Variants in PDE4D observed in about 807,000 individuals in gnomAD.
The protein encoded by PDE4D is 3',5'-cyclic-AMP phosphodiesterase 4D.
A neutral mutation model predicts 87.4 loss-of-function variants in PDE4D; 24 were observed. That is an observed-to-expected ratio of 0.27 (90% CI 0.20 to 0.39). The LOEUF (loss-of-function observed/expected upper bound fraction) is 0.39. Among genes scored for constraint, PDE4D ranks in the 10% least tolerant of loss-of-function variants. PDE4D has a pLI of 1.00. For missense variants in PDE4D, 714 were observed against 1,041.0 expected, an observed-to-expected ratio of 0.69 and a Z score of 4.32; for synonymous variants, 384 against 383.2, an observed-to-expected ratio of 1.00 and a Z score of -0.02.
rs149577141 is a variant in PDE4D at position 59,981,132 on chromosome 5, G to A, written c.272+7356C>T. Among the ~76,000 whole-genome samples, 567 of 152,082 alleles carry A rather than the reference G, an allele frequency of 3.7e-3. 17 individuals carry two copies. The East Asian group carries it at 0.083, about 22-fold the overall frequency. ...CCTGGTGTGGTGGGACATGCCTGTC[G>A]TCTCAGCTACTTGGGAGGCTGAGGC... On this transcript the variant is annotated intron_variant, in intron 3 of 16. Transcript: ENST00000502484.
chr5:59,796,642 T>C (rs574268293), intron 1 of PDE4D, among the ~76,000 whole-genome samples: 3 of 152,242 alleles, frequency 2.0e-5, no homozygotes, highest in Admixed American at 2.0e-4. Flanking sequence ...ATTAAAAAAA[T>C]TAAAGGCAAG....
At chr5:59,603,619 A>G (rs1202701408) in intron 1 of PDE4D, among the ~76,000 whole-genome samples, 1 of 152,008 alleles carries the variant, frequency 6.6e-6, no homozygotes, top group African/African-American at 2.4e-5. Context: ...TAGAACTACC[A>G]TATGATCCAG....
chr5:59,348,728 C>G (rs1442303020), intron 1 of PDE4D, among the ~76,000 whole-genome samples: 1 of 146,458 alleles, frequency 6.8e-6, no homozygotes, highest in Non-Finnish European at 1.5e-5. Flanking sequence ...TTACTCTATT[C>G]ACAATCCATC....
At chr5:59,813,318 C>T in intron 1 of PDE4D, among the ~76,000 whole-genome samples, 1 of 152,106 alleles carries the variant, frequency 6.6e-6, no homozygotes, top group East Asian at 1.9e-4. Context: ...CTGACTGCCT[C>T]CATAAAACTG....
intron 1 of PDE4D, among the ~76,000 whole-genome samples, chr5:59,294,987 G>A (rs1041763155): frequency 3.3e-5 from 5 of 152,116 alleles, no homozygotes; most frequent in African/African-American, 1.2e-4. Context: ...ATTGGTGAAG[G>A]CTAATAGAAA....
At chr5:60,116,649 A>G (rs1778196071) in intron 2 of PDE4D, among the ~76,000 whole-genome samples, 1 of 152,118 alleles carries the variant, frequency 6.6e-6, no homozygotes. Context: ...CTTTATGGGA[A>G]AATTCGGTTG....
At chr5:59,293,478 C>T (rs543773258) in intron 1 of PDE4D, among the ~76,000 whole-genome samples, 2 of 152,192 alleles carry the variant, frequency 1.3e-5, no homozygotes, top group African/African-American at 4.8e-5. Context: ...AAGATTTCAG[C>T]CCTAAGGAAA....
intron 1 of PDE4D, among the ~76,000 whole-genome samples, chr5:59,511,997 C>T (rs1244725392): frequency 1.3e-5 from 2 of 152,002 alleles, no homozygotes; most frequent in South Asian, 2.1e-4. Flanking sequence ...CAAAGTTTGG[C>T]GCTCCAGAAC....
chr5:60,043,712 A>G (rs10039502), intron 2 of PDE4D, among the ~76,000 whole-genome samples: 31,290 of 150,150 alleles, frequency 0.21, 3,667 homozygotes, highest in African/African-American at 0.34. Context: ...ATGCTCATTT[A>G]TTCCTTCTTG....
intron 1 of PDE4D, among the ~76,000 whole-genome samples, chr5:59,791,761 G>T (rs577565622): frequency 1.3e-5 from 2 of 152,032 alleles, no homozygotes; most frequent in East Asian, 3.9e-4. Context: ...AGACAGCCCC[G>T]GGCTTAGAAT....
intron 1 of PDE4D, among the ~76,000 whole-genome samples, chr5:59,826,130 G>A (rs991307834): frequency 4.6e-5 from 7 of 152,084 alleles, no homozygotes; most frequent in African/African-American, 1.7e-4. Flanking sequence ...AGAGACTAAG[G>A]AACATGGGCC....
intron 1 of PDE4D, among the ~76,000 whole-genome samples, chr5:59,276,573 A>G (rs1764862921): frequency 6.6e-6 from 1 of 152,128 alleles, no homozygotes. Context: ...AAAATTCAGC[A>G]GAGTGTAACA....
At chr5:59,768,926 T>A (rs990759185) in intron 1 of PDE4D, among the ~76,000 whole-genome samples, 2 of 152,218 alleles carry the variant, frequency 1.3e-5, no homozygotes, top group African/African-American at 2.4e-5. Flanking sequence ...TGCCTGCTGC[T>A]GGGTTGTTTG....
intron 2 of PDE4D, among the ~76,000 whole-genome samples, chr5:60,080,115 G>A (rs1441481751): frequency 2.6e-5 from 4 of 151,974 alleles, no homozygotes; most frequent in Admixed American, 6.6e-5. Flanking sequence ...TCTATTCCTA[G>A]GTATTTTACT....
At position 60,333,904 on chromosome 5, in the gene PDE4D, A is replaced by G. The variant is rs145833153; in HGVS notation, c.-89-148217T>C. On this transcript the variant is annotated intron_variant, in intron 1 of 16. Transcript: ENST00000502484. Reference sequence around the variant, plus strand: ...GAAAAGAGAGAAAAAATACGGAAATACACAACGGGTCAATATCAAGTCCAG... The same window carrying G: ...GAAAAGAGAGAAAAAATACGGAAATGCACAACGGGTCAATATCAAGTCCAG... 9.6e-4 allele frequency among the ~76,000 whole-genome samples: 146 copies of G among 152,296 alleles called. 1 individual carries two copies. Among genetic ancestry groups the G allele is most frequent in the African/African-American group, 3.4e-3 (141 of 41,570 alleles).
intron 3 of PDE4D, among the ~76,000 whole-genome samples, chr5:59,911,481 A>T (rs1187888069): frequency 6.6e-6 from 1 of 152,126 alleles, no homozygotes; most frequent in Non-Finnish European, 1.5e-5. Flanking sequence ...AATTATCCTT[A>T]AAAAACCCCA....
intron 2 of PDE4D, among the ~76,000 whole-genome samples, chr5:60,015,072 C>A (rs1464937427): frequency 6.6e-6 from 1 of 152,150 alleles, no homozygotes; most frequent in African/African-American, 2.4e-5. Flanking sequence ...GCTAGCGATA[C>A]AACAATCCCT....
intron 1 of PDE4D, among the ~76,000 whole-genome samples, chr5:59,731,522 C>A (rs867130592): frequency 6.6e-6 from 1 of 152,108 alleles, no homozygotes; most frequent in Non-Finnish European, 1.5e-5. Flanking sequence ...GATGATTCAA[C>A]CATTGTTAGT....
At chr5:59,075,944 T>C (rs1765624049) in intron 5 of PDE4D, among the ~76,000 whole-genome samples, 2 of 152,146 alleles carry the variant, frequency 1.3e-5, no homozygotes, top group Non-Finnish European at 2.9e-5. Context: ...CTACCTCCTG[T>C]TGCTTGGCAG....
Sources: allele counts gnomAD v4.1 joint callset (sites outside exome capture counted in the v4.1 genomes callset), GRCh38; gene constraint gnomAD v4.1.1; transcripts MANE v1.5; gene names NCBI Gene and HGNC (gene_info 2026-07-23, HGNC 2026-07-21).